PTPRT: variants seen among roughly 807,000 people sequenced by gnomAD.
The protein encoded by PTPRT is protein tyrosine phosphatase receptor type T, also known as receptor-type tyrosine-protein phosphatase T.
In PTPRT, 56 loss-of-function variants were observed where a neutral mutation model predicts 176.8. The ratio of observed to expected loss-of-function variants is 0.32; its 90% CI spans 0.26 to 0.40. The LOEUF (loss-of-function observed/expected upper bound fraction) is 0.40. PTPRT is among the 10% of genes least tolerant of loss of function. The pLI is 1.00. For synonymous variants in PTPRT, 783 were observed against 739.0 expected (o/e 1.06, Z -0.96); for missense variants, 1,540 against 1,908.2 (o/e 0.81, Z 3.60).
chr20:42,447,781 T>G (rs2070758880), intron 9 of PTPRT, among the ~76,000 whole-genome samples: 1 of 152,190 alleles, frequency 6.6e-6, no homozygotes, highest in South Asian at 2.1e-4. Flanking sequence ...AATTTAAATC[T>G]GAAGAATCCT....
intron 12 of PTPRT, among the ~76,000 whole-genome samples, chr20:42,297,453 G>A (rs567352465): frequency 9.4e-4 from 143 of 152,290 alleles, no homozygotes; most frequent in African/African-American, 3.0e-3. Context: ...TCTTAAAGAT[G>A]TCATTTCACT....
In PTPRT at chr20:42,345,608, GTGTGTGTGTGTA is replaced by G. The variant is rs754049313; in HGVS notation, c.1865+5008_1865+5019del. ...TGTGTGTGTGTGTGTGTGTGTGTGTGTGTGTGTGTGTATATATATGTATGATGCCAGACACTA... is the reference window on the plus strand; with the variant it reads ...TGTGTGTGTGTGTGTGTGTGTGTGTGTATATATGTATGATGCCAGACACTA... On this transcript the variant is annotated intron_variant, in intron 11 of 30. Coordinates refer to ENST00000373187, the MANE Select transcript of PTPRT (RefSeq NM_007050.6). 1.9e-3 allele frequency among the ~76,000 whole-genome samples: 266 copies of G among 141,262 alleles called. 2 individuals carry two copies. The highest frequency in any genetic ancestry group is 3.1e-3 in the Non-Finnish European group (199 of 63,384). The allele number at this position is 141,262 out of a possible 152,430, so 92.7% of individuals were successfully genotyped here. A position where few individuals can be genotyped will look rare whatever the true frequency, so the allele number is the denominator to read the frequency against.
chr20:42,102,639 G>A (rs1433545675), intron 25 of PTPRT, among the ~76,000 whole-genome samples: 1 of 152,302 alleles, frequency 6.6e-6, no homozygotes. Context: ...CCAGCCAGGA[G>A]GGCATACAGA....
chr20:42,326,343 A>G (rs1400882161), intron 11 of PTPRT, among the ~76,000 whole-genome samples: 1 of 152,196 alleles, frequency 6.6e-6, no homozygotes, highest in Admixed American at 6.5e-5. Flanking sequence ...ATTGTGACCA[A>G]TGCAATAAGA....
chr20:42,764,345 A>AG (rs2076954870), intron 5 of PTPRT, among the ~76,000 whole-genome samples: 1 of 152,140 alleles, frequency 6.6e-6, no homozygotes, highest in Non-Finnish European at 1.5e-5. Flanking sequence ...GAAGGCAACT[A>AG]GGGGGTGGGG....
At chr20:42,259,270 G>C (rs1432051703) in intron 13 of PTPRT, among the ~76,000 whole-genome samples, 1 of 152,210 alleles carries the variant, frequency 6.6e-6, no homozygotes, top group Non-Finnish European at 1.5e-5. Context: ...GACTCTGATA[G>C]AGAACGTCTT....
chr20:42,145,612 T>C (rs550625920), intron 17 of PTPRT, among the ~76,000 whole-genome samples: 1 of 152,192 alleles, frequency 6.6e-6, no homozygotes, highest in East Asian at 1.9e-4. Flanking sequence ...AGCATGACTA[T>C]GATCCTCATC....
At chr20:43,028,767 A>C (rs1028545421) in intron 1 of PTPRT, among the ~76,000 whole-genome samples, 1 of 152,226 alleles carries the variant, frequency 6.6e-6, no homozygotes, top group African/African-American at 2.4e-5. Context: ...GCCTAGGAGC[A>C]GCAAGAGCTA....
intron 13 of PTPRT, among the ~76,000 whole-genome samples, chr20:42,251,458 G>A (rs962884474): frequency 8.5e-5 from 13 of 152,056 alleles, no homozygotes; most frequent in African/African-American, 2.7e-4. Flanking sequence ...TTGGGGGTAG[G>A]GGAATATAAT....
intron 7 of PTPRT, among the ~76,000 whole-genome samples, chr20:42,587,696 T>C (rs2145745192): frequency 6.6e-6 from 1 of 152,294 alleles, no homozygotes. Context: ...GCTGGCTATC[T>C]TCAAATGCGG....
At chr20:42,854,551 GC>G (rs1423504012) in intron 2 of PTPRT, among the ~76,000 whole-genome samples, 1 of 152,186 alleles carries the variant, frequency 6.6e-6, no homozygotes, top group African/African-American at 2.4e-5. Flanking sequence ...CCCACCACAG[GC>G]ATGGTACCTT....
chr20:42,936,573 T>C (rs951184675), intron 1 of PTPRT, among the ~76,000 whole-genome samples: 1 of 152,176 alleles, frequency 6.6e-6, no homozygotes, highest in Non-Finnish European at 1.5e-5. Flanking sequence ...AAGTCTCCTC[T>C]TGACTATGGG....
intron 6 of PTPRT, among the ~76,000 whole-genome samples, chr20:42,696,209 T>G (rs1344051412): frequency 1.3e-5 from 2 of 150,810 alleles, no homozygotes; most frequent in Non-Finnish European, 3.0e-5. Flanking sequence ...TCTTTCTCCT[T>G]CTTCTCACTT....
intron 8 of PTPRT, among the ~76,000 whole-genome samples, chr20:42,467,992 G>A (rs1328952174): frequency 1.3e-5 from 2 of 152,204 alleles, no homozygotes; most frequent in Non-Finnish European, 2.9e-5. Flanking sequence ...CTTTCAAGGT[G>A]CAAGCGAACT....
At chr20:42,329,633 T>C (rs1221139831) in intron 11 of PTPRT, among the ~76,000 whole-genome samples, 1 of 151,990 alleles carries the variant, frequency 6.6e-6, no homozygotes, top group Admixed American at 6.6e-5. Flanking sequence ...CCAAACATCA[T>C]TAAAATGGTA....
Position 42,922,234 on chromosome 20 carries a change from C to T in PTPRT, c.89-36302G>A, listed in dbSNP as rs138969244. 2.5e-3 allele frequency among the ~76,000 whole-genome samples: 384 copies of T among 152,250 alleles called. 1 individual carries two copies. Among genetic ancestry groups the T allele is most frequent in the African/African-American group, 8.8e-3 (364 of 41,560 alleles). ...CAGTTGTGAGCCACCGCGCCTGGCC[C>T]TCCACCTACTCTTTCTCAGCCTCCA... On this transcript the variant is annotated intron_variant, in intron 1 of 30. Transcript: ENST00000373187.
chr20:42,456,844 T>A (rs763793833), intron 8 of PTPRT, among the ~76,000 whole-genome samples: 1 of 152,180 alleles, frequency 6.6e-6, no homozygotes, highest in Non-Finnish European at 1.5e-5. Context: ...GCTTCTTCTT[T>A]TTCCTTTCTC....
At chr20:42,728,392 C>A (rs17749144) in intron 6 of PTPRT, among the ~76,000 whole-genome samples, 2,123 of 152,232 alleles carry the variant, frequency 0.014, 31 homozygotes, top group Non-Finnish European at 0.019. Flanking sequence ...CACTTGTGAG[C>A]AAAATTACAT....
intron 7 of PTPRT, among the ~76,000 whole-genome samples, chr20:42,529,401 G>A (rs6124469): frequency 6.6e-6 from 1 of 152,192 alleles, no homozygotes; most frequent in African/African-American, 2.4e-5. Flanking sequence ...GATATGGATG[G>A]AAGAATGGGA....
Sources: allele counts gnomAD v4.1 joint callset (sites outside exome capture counted in the v4.1 genomes callset), GRCh38; gene constraint gnomAD v4.1.1; transcripts MANE v1.5; gene names NCBI Gene and HGNC (gene_info 2026-07-23, HGNC 2026-07-21).